Variants in GPRIN3 observed in about 807,000 individuals in gnomAD.
GPRIN3 encodes G protein-regulated inducer of neurite outgrowth 3.
GPRIN3 carries 12 observed loss-of-function variants against 13.7 expected under a neutral mutation model. The observed-to-expected ratio is 0.87, with a 90% CI of 0.56 to 1.42. The LOEUF (loss-of-function observed/expected upper bound fraction) is 1.42, where lower values mean the gene tolerates loss of function less well. GPRIN3 is among the 40% of genes most tolerant of loss of function. GPRIN3 has a pLI of 0.00. For missense variants in GPRIN3, 1,009 were observed against 958.7 expected (o/e 1.05, Z -0.69); for synonymous variants, 377 against 372.7 (o/e 1.01, Z -0.13).
intron 1 of GPRIN3, among the ~76,000 whole-genome samples, chr4:89,287,483 T>C (rs1243159846): frequency 6.6e-6 from 1 of 152,156 alleles, no homozygotes; most frequent in Non-Finnish European, 1.5e-5. Flanking sequence ...AGCTGAGCCT[T>C]TGGGCAGAGG....
chr4:89,248,065 C>G lies in GPRIN3; in HGVS notation c.2046G>C (p.Arg682Ser), dbSNP rs1404705823. The change falls in exon 2 of 2, where the codon AGG becomes AGC. Residue 682 changes from arginine to serine, a missense_variant. Physicochemically the swap from Arg to Ser is moderately radical, Grantham distance 110. Coordinates refer to ENST00000609438, the MANE Select transcript of GPRIN3 (RefSeq NM_198281.3). ...TTCCCTGCTCATCCCACACGACGTCCCTGACACGCTTGGACTGTTTCAGCT... is the reference window on the plus strand; with the variant it reads ...TTCCCTGCTCATCCCACACGACGTCGCTGACACGCTTGGACTGTTTCAGCT... ...KLQLKQSKRV[R>S]DVVWDEQGMT... is the part of the protein sequence containing the mutation. The G allele has an allele frequency of 1.9e-6, 3 of 1,614,102 alleles. No individual in the cohort carries two copies. The highest frequency in any genetic ancestry group is 2.5e-6 in the Non-Finnish European group (3 of 1,179,968).
At chr4:89,304,898 G>C (rs562208465) in intron 1 of GPRIN3, among the ~76,000 whole-genome samples, 1 of 152,074 alleles carries the variant, frequency 6.6e-6, no homozygotes, top group Non-Finnish European at 1.5e-5. Context: ...GTAGACATTT[G>C]TAGATGAAAT....
chr4:89,282,273 T>G (rs1724273603), intron 1 of GPRIN3, among the ~76,000 whole-genome samples: 1 of 152,236 alleles, frequency 6.6e-6, no homozygotes, highest in Non-Finnish European at 1.5e-5. Context: ...TTTACTGTTT[T>G]GAATAGTAGT....
intron 1 of GPRIN3, among the ~76,000 whole-genome samples, chr4:89,267,658 C>G (rs1723817607): frequency 6.6e-6 from 1 of 152,190 alleles, no homozygotes; most frequent in Non-Finnish European, 1.5e-5. Context: ...CTGGTGTAAG[C>G]CATATAGATG....
chr4:89,247,801 G>C lies in GPRIN3; in HGVS notation c.2310C>G (p.Ala770=). ...CCTTTCAATCTAACACAGAAGACGG[G>C]GCAGGACGGACGCAGCAGTTGGGGC... ...FRRPNCCVRP[A]PSSVLD The change falls in exon 2 of 2, where the codon GCC becomes GCG. Residue 770 remains alanine (A), a synonymous_variant. Transcript: ENST00000609438. The C allele has an allele frequency of 6.2e-7, 1 of 1,612,838 alleles. No homozygotes were observed. The highest frequency in any genetic ancestry group is 1.1e-5 in the South Asian group (1 of 91,002).
intron 1 of GPRIN3, among the ~76,000 whole-genome samples, chr4:89,301,505 C>T (rs1034599177): frequency 3.3e-5 from 5 of 152,176 alleles, no homozygotes; most frequent in African/African-American, 1.2e-4. Flanking sequence ...ATAGTTCACA[C>T]AAACACTTCA....
chr4:89,272,714 A>G (rs2149272587), intron 1 of GPRIN3, among the ~76,000 whole-genome samples: 1 of 152,334 alleles, frequency 6.6e-6, no homozygotes, highest in African/African-American at 2.4e-5. Flanking sequence ...GTAAAAAAAA[A>G]TGATATAACA....
At chr4:89,307,002 G>C (rs1391022924) in intron 1 of GPRIN3, among the ~76,000 whole-genome samples, 1 of 151,994 alleles carries the variant, frequency 6.6e-6, no homozygotes, top group East Asian at 1.9e-4. Flanking sequence ...AGCCCATCTT[G>C]AAAGAACCGT....
intron 1 of GPRIN3, among the ~76,000 whole-genome samples, chr4:89,284,357 A>G (rs891717860): frequency 5.9e-5 from 9 of 152,220 alleles, no homozygotes; most frequent in African/African-American, 1.9e-4. Flanking sequence ...CACAGTGGTT[A>G]ACAATGCCTC....
At chr4:89,290,630 G>T (rs1000991883) in intron 1 of GPRIN3, among the ~76,000 whole-genome samples, 2 of 152,076 alleles carry the variant, frequency 1.3e-5, no homozygotes, top group African/African-American at 4.8e-5. Context: ...GTCGATTATA[G>T]GATTTACCAT....
chr4:89,281,692 T>G (rs950856652), intron 1 of GPRIN3, among the ~76,000 whole-genome samples: 2 of 152,194 alleles, frequency 1.3e-5, no homozygotes, highest in African/African-American at 4.8e-5. Flanking sequence ...TCTCAGATGA[T>G]TAGCCCACAG....
At chr4:89,251,730 G>GTATGCAT (rs1723332858) in intron 1 of GPRIN3, among the ~76,000 whole-genome samples, 1 of 152,100 alleles carries the variant, frequency 6.6e-6, no homozygotes, top group Non-Finnish European at 1.5e-5. Flanking sequence ...GTAAAACAAT[G>GTATGCAT]ACCTAAAACA....
intron 1 of GPRIN3, among the ~76,000 whole-genome samples, chr4:89,286,850 A>G (rs1724431388): frequency 6.6e-6 from 1 of 152,132 alleles, no homozygotes; most frequent in African/African-American, 2.4e-5. Context: ...CTCCAGCTGG[A>G]CCCAGTGGTA....
Position 89,248,021 on chromosome 4 carries a change from C to A in GPRIN3, c.2090G>T (p.Gly697Val). Residue 697 changes from glycine to valine, a missense_variant, in exon 2 of 2, where the codon GGT (glycine) becomes GTT (valine). Coordinates refer to ENST00000609438, the MANE Select transcript of GPRIN3 (RefSeq NM_198281.3). Reference protein sequence around the residue: ...DEQGMTWEVYGASLDAESLGI... With the variant: ...DEQGMTWEVYVASLDAESLGI... Reference sequence around the variant, plus strand: ...CAGGGACTCTGCGTCCAAGGATGCACCATACACTTCCCAGGTCATTCCCTG... The same window carrying A: ...CAGGGACTCTGCGTCCAAGGATGCAACATACACTTCCCAGGTCATTCCCTG... The A allele has an allele frequency of 6.2e-7, 1 of 1,614,142 alleles. No homozygotes were observed. Among genetic ancestry groups the A allele is most frequent in the Non-Finnish European group, 8.5e-7 (1 of 1,180,014 alleles).
At chr4:89,253,279 A>C (rs1347860662) in intron 1 of GPRIN3, among the ~76,000 whole-genome samples, 1 of 152,230 alleles carries the variant, frequency 6.6e-6, no homozygotes, top group Non-Finnish European at 1.5e-5. Context: ...CAGCTCTGCC[A>C]AATGTCAAAC....
chr4:89,249,292 T>A lies in GPRIN3; in HGVS notation c.819A>T (p.Glu273Asp). Residue 273 changes from glutamate (E) to aspartate (D), a missense_variant, in exon 2 of 2, where the codon GAA becomes GAT. Coordinates refer to ENST00000609438, the MANE Select transcript of GPRIN3 (RefSeq NM_198281.3). ...CTGGACCTGGGGGACATGCCGAAGG[T>A]TCGCTAGTGAGGGGGGTTGGTTGAG... ...VTPQPTPLTSEPSACPPGPEK... is the reference protein window; with the variant it reads ...VTPQPTPLTSDPSACPPGPEK... 1 of 1,613,930 alleles carries A rather than the reference T, an allele frequency of 6.2e-7. No homozygotes were observed. The highest frequency in any genetic ancestry group is 8.5e-7 in the Non-Finnish European group (1 of 1,179,970).
chr4:89,261,402 T>C (rs1241823639), intron 1 of GPRIN3, among the ~76,000 whole-genome samples: 1 of 152,192 alleles, frequency 6.6e-6, no homozygotes, highest in Non-Finnish European at 1.5e-5. Context: ...TATTTACCTT[T>C]GATAGACAGA....
chr4:89,264,985 T>A (rs1408401545), intron 1 of GPRIN3, among the ~76,000 whole-genome samples: 1 of 152,212 alleles, frequency 6.6e-6, no homozygotes, highest in Non-Finnish European at 1.5e-5. Context: ...TAATAAGCTC[T>A]CAGCAAACAT....
rs188171387 is a variant in GPRIN3 at position 89,248,613 on chromosome 4, T to G, written c.1498A>C (p.Thr500Pro). Residue 500 changes from threonine (T) to proline (P), a missense_variant, in exon 2 of 2, where the codon ACA becomes CCA. By Grantham distance (38) the Thr-to-Pro change is conservative. Coordinates refer to ENST00000609438, the MANE Select transcript of GPRIN3 (RefSeq NM_198281.3). Reference protein sequence around the residue: ...TRPSEFAEKTTNGHKTDPDCK... With the variant: ...TRPSEFAEKTPNGHKTDPDCK... ...TCTGGGTCTGTTTTGTGGCCGTTTG[T>G]CGTTTTCTCTGCAAACTCAGATGGC... The G allele has an allele frequency of 6.2e-7, 1 of 1,614,146 alleles. No individual in the cohort carries two copies. Among genetic ancestry groups the G allele is most frequent in the Admixed American group, 1.7e-5 (1 of 60,026 alleles).
Sources: allele counts gnomAD v4.1 joint callset (sites outside exome capture counted in the v4.1 genomes callset), GRCh38; gene constraint gnomAD v4.1.1; transcripts MANE v1.5; gene names NCBI Gene and HGNC (gene_info 2026-07-23, HGNC 2026-07-21).